SPOPL: variants seen among roughly 807,000 people sequenced by gnomAD.
SPOPL encodes the protein speckle-type POZ protein-like.
SPOPL carries 23 observed loss-of-function variants against 53.8 expected under a neutral mutation model. The observed-to-expected ratio is 0.43, with a 90% confidence interval of 0.31 to 0.61. The LOEUF is 0.61. SPOPL is among the 20% of genes least tolerant of loss of function. SPOPL has a pLI of 0.12. For synonymous variants in SPOPL, 164 were observed against 149.7 expected (o/e 1.10, Z -0.70); for missense variants, 442 against 466.9 (o/e 0.95, Z 0.49).
In SPOPL at chr2:138,560,868, A is replaced by G; in HGVS notation, c.778A>G (p.Thr260Ala). ...VFKEMMRFIYTGRAPNLDKMA... is the reference protein window; with the variant it reads ...VFKEMMRFIYAGRAPNLDKMA... ...TAAAGAAATGATGAGATTCATTTAC[A>G]CAGGGAGAGCACCAAACCTTGACAA... Residue 260 changes from threonine (T) to alanine (A), a missense_variant, in exon 8 of 11, where the codon ACA (threonine) becomes GCA (alanine). By Grantham distance (58) the Thr-to-Ala change is moderately conservative (BLOSUM62 0). Transcript: ENST00000280098. 6.2e-7 allele frequency: 1 copy of G among 1,611,340 alleles called. No homozygotes were observed. Among genetic ancestry groups the G allele is most frequent in the Non-Finnish European group, 8.5e-7 (1 of 1,179,200 alleles).
intron 1 of SPOPL, among the ~76,000 whole-genome samples, chr2:138,542,120 T>G (rs143109210): frequency 0.011 from 1,657 of 152,350 alleles, 34 homozygotes; most frequent in African/African-American, 0.038. Context: ...TAATTTCTGT[T>G]CTTTTACATA....
At chr2:138,550,090 A>ATATT in intron 1 of SPOPL, 67 bp from the exon 2 acceptor site, 1 of 704,310 alleles carries the variant, frequency 1.4e-6, no homozygotes, top group Non-Finnish European at 2.4e-6. Flanking sequence ...CTGTTTAAAT[A>ATATT]TGTCTTCCCT....
At chr2:138,505,832 A>G (rs990239042) in intron 1 of SPOPL, among the ~76,000 whole-genome samples, 6 of 152,156 alleles carry the variant, frequency 3.9e-5, no homozygotes, top group African/African-American at 1.4e-4. Flanking sequence ...ATTGTGAAGA[A>G]CAAAGGCACA....
intron 1 of SPOPL, among the ~76,000 whole-genome samples, chr2:138,503,840 C>CT (rs1278019280): frequency 6.6e-6 from 1 of 152,148 alleles, no homozygotes; most frequent in Non-Finnish European, 1.5e-5. Flanking sequence ...CTCATCTGAC[C>CT]TTTATCTTCA....
At chr2:138,512,922 T>G (rs1275446516) in intron 1 of SPOPL, among the ~76,000 whole-genome samples, 2 of 152,226 alleles carry the variant, frequency 1.3e-5, no homozygotes, top group African/African-American at 4.8e-5. Context: ...TGCCAAGGAC[T>G]TTATATATAC....
At position 138,501,837 on chromosome 2, in the gene SPOPL, C is replaced by T. The variant is rs1684097844; in HGVS notation, c.-343C>T. 2 of 136,966 alleles carry T rather than the reference C, an allele frequency of 1.5e-5. No homozygotes were observed. 8.5% of individuals were successfully genotyped at this position (136,966 alleles called of 1,614,324 possible). A position where few individuals can be genotyped will look rare whatever the true frequency, so the allele number is the denominator to read the frequency against. On this transcript the variant is annotated 5_prime_UTR_variant, in exon 1 of 11. Transcript: ENST00000280098. ...GGAAGCCGGAGCCCAGACGGGCCCGCGGCGGGGGGGTGGGGGCTGCGCGGG... is the reference window on the plus strand; with the variant it reads ...GGAAGCCGGAGCCCAGACGGGCCCGTGGCGGGGGGGTGGGGGCTGCGCGGG...
At chr2:138,505,473 T>C (rs1437908197) in intron 1 of SPOPL, among the ~76,000 whole-genome samples, 1 of 151,698 alleles carries the variant, frequency 6.6e-6, no homozygotes, top group Non-Finnish European at 1.5e-5. Flanking sequence ...AAAAAAATTA[T>C]AGGCCAGGTG....
intron 1 of SPOPL, among the ~76,000 whole-genome samples, chr2:138,539,376 A>G (rs1004007119): frequency 1.3e-5 from 2 of 151,798 alleles, no homozygotes; most frequent in Non-Finnish European, 2.9e-5. Flanking sequence ...ACAGTGTAAA[A>G]GTGTTCCTAT....
Position 138,502,078 on chromosome 2 carries a change from G to A in SPOPL, c.-102G>A, listed in dbSNP as rs1480607070. On this transcript the variant is annotated 5_prime_UTR_variant, in exon 1 of 11. Coordinates refer to ENST00000280098, the MANE Select transcript of SPOPL (RefSeq NM_001001664.3). ...CACGGCCACCGCCTCAGCGGGAGAGGAGTCTCCACCAGGACTGACCGCTGC... is the reference window on the plus strand; with the variant it reads ...CACGGCCACCGCCTCAGCGGGAGAGAAGTCTCCACCAGGACTGACCGCTGC... The A allele has an allele frequency of 6.5e-6, 1 of 152,680 alleles. No homozygotes were observed. The highest frequency in any genetic ancestry group is 2.1e-4 in the South Asian group (1 of 4,850). 9.5% of individuals were successfully genotyped at this position (152,680 alleles called of 1,614,324 possible). A position where few individuals can be genotyped will look rare whatever the true frequency, so the allele number is the denominator to read the frequency against.
chr2:138,571,525 T>A lies in SPOPL; in HGVS notation c.*2445T>A, dbSNP rs1685780794. On this transcript the variant is annotated 3_prime_UTR_variant, in exon 11 of 11. Coordinates refer to ENST00000280098, the MANE Select transcript of SPOPL (RefSeq NM_001001664.3). ...CTACCATTATACTAACAGAATCATA[T>A]GGTAGTTGATTTATTTTTTTATTTA... 1 of 152,634 alleles carries A rather than the reference T, an allele frequency of 6.6e-6. No individual in the cohort carries two copies. The highest frequency in any genetic ancestry group is 6.5e-5 in the Admixed American group (1 of 15,274). 9.5% of individuals were successfully genotyped at this position (152,634 alleles called of 1,614,324 possible). A position where few individuals can be genotyped will look rare whatever the true frequency, so the allele number is the denominator to read the frequency against.
At chr2:138,519,372 T>A (rs561914413) in intron 1 of SPOPL, among the ~76,000 whole-genome samples, 36 of 151,260 alleles carry the variant, frequency 2.4e-4, no homozygotes, top group African/African-American at 8.7e-4. Flanking sequence ...TTGGAAAAAA[T>A]CATAGTGTTT....
At chr2:138,558,199 G>A (rs1425191744) in intron 5 of SPOPL, among the ~76,000 whole-genome samples, 1 of 151,982 alleles carries the variant, frequency 6.6e-6, no homozygotes, top group Non-Finnish European at 1.5e-5. Context: ...TTTAAAAAGT[G>A]GTGTGCAAGA....
intron 1 of SPOPL, among the ~76,000 whole-genome samples, chr2:138,530,074 T>C (rs534558885): frequency 1.2e-3 from 177 of 152,318 alleles, no homozygotes; most frequent in Non-Finnish European, 1.9e-3. Context: ...CCTGTGGTAT[T>C]TGGTTTTCTG....
rs1685827234 is a variant in SPOPL at position 138,573,418 on chromosome 2, G to A, written c.*4338G>A. On this transcript the variant is annotated 3_prime_UTR_variant, in exon 11 of 11. Coordinates refer to ENST00000280098, the MANE Select transcript of SPOPL (RefSeq NM_001001664.3). The stretch of plus-strand genomic sequence containing the variant: ...ATTCTTAACTGTAAAATATTAATAT[G>A]CATTTATTTTAATATGTATGAACCA... The A allele has an allele frequency of 6.6e-6, 1 of 152,050 alleles. No homozygotes were observed. Among genetic ancestry groups the A allele is most frequent in the South Asian group, 2.1e-4 (1 of 4,826 alleles). The allele number at this position is 152,050 out of a possible 1,614,324, so 9.4% of individuals were successfully genotyped here.
At chr2:138,522,377 T>C (rs1177315025) in intron 1 of SPOPL, among the ~76,000 whole-genome samples, 3 of 152,130 alleles carry the variant, frequency 2.0e-5, no homozygotes, top group Non-Finnish European at 2.9e-5. Context: ...CACTACAGAA[T>C]AGCTATTTCA....
rs1047247619 is a variant in SPOPL at position 138,570,547 on chromosome 2, G to C, written c.*1467G>C. The C allele has an allele frequency of 6.6e-6, 1 of 152,154 alleles. No homozygotes were observed. Among genetic ancestry groups the C allele is most frequent in the Non-Finnish European group, 1.5e-5 (1 of 68,026 alleles). The allele number at this position is 152,154 out of a possible 1,614,324, so 9.4% of individuals were successfully genotyped here. On this transcript the variant is annotated 3_prime_UTR_variant, in exon 11 of 11. Transcript: ENST00000280098. ...GGGGTACCACATCTGACTTACTGTG[G>C]TGGTGACCAGTGTGCTTCTTAAGGG... is the stretch of plus-strand genomic sequence containing the variant.
intron 1 of SPOPL, among the ~76,000 whole-genome samples, chr2:138,528,362 C>A (rs1484988342): frequency 6.6e-6 from 1 of 152,118 alleles, no homozygotes; most frequent in East Asian, 1.9e-4. Context: ...CTTACAGTAC[C>A]CTGGATTGTG....
Position 138,571,205 on chromosome 2 carries a change from A to T in SPOPL, c.*2125A>T, listed in dbSNP as rs1558885520. Reference sequence around the variant, plus strand: ...AGGCTATAGAATTATGTTGTCATATATCAGAAAAGTACTGATGTATCCATT... The same window carrying T: ...AGGCTATAGAATTATGTTGTCATATTTCAGAAAAGTACTGATGTATCCATT... On this transcript the variant is annotated 3_prime_UTR_variant, in exon 11 of 11. Transcript: ENST00000280098. The T allele has an allele frequency of 6.6e-6, 1 of 152,382 alleles. No homozygotes were observed. The allele number at this position is 152,382 out of a possible 1,614,324, so 9.4% of individuals were successfully genotyped here.
rs1684097277 is a variant in SPOPL at position 138,501,830 on chromosome 2, G to A, written c.-350G>A. 1 of 153,082 alleles carries A rather than the reference G, an allele frequency of 6.5e-6. No individual in the cohort carries two copies. Among genetic ancestry groups the A allele is most frequent in the Non-Finnish European group, 1.5e-5 (1 of 68,240 alleles). 9.5% of individuals were successfully genotyped at this position (153,082 alleles called of 1,614,324 possible). A position where few individuals can be genotyped will look rare whatever the true frequency, so the allele number is the denominator to read the frequency against. On this transcript the variant is annotated 5_prime_UTR_variant, in exon 1 of 11. Transcript: ENST00000280098. Reference sequence around the variant, plus strand: ...GTAACTCGGAAGCCGGAGCCCAGACGGGCCCGCGGCGGGGGGGTGGGGGCT... The same window carrying A: ...GTAACTCGGAAGCCGGAGCCCAGACAGGCCCGCGGCGGGGGGGTGGGGGCT...
Sources: allele counts gnomAD v4.1 joint callset (sites outside exome capture counted in the v4.1 genomes callset), GRCh38; gene constraint gnomAD v4.1.1; transcripts MANE v1.5; gene names NCBI Gene and HGNC (gene_info 2026-07-23, HGNC 2026-07-21).